The following RALYL variants were observed in gnomAD, a reference collection of about 807,000 sequenced individuals.
The protein encoded by RALYL is RALY RNA binding protein like.
RALYL carries 29 observed loss-of-function variants against 35.1 expected under a neutral mutation model. The observed-to-expected ratio is 0.83, with a 90% CI of 0.61 to 1.13. RALYL has a LOEUF of 1.13. Among genes scored for constraint, RALYL ranks in the 50% most tolerant of loss-of-function variants. The pLI is 0.00. For missense variants in RALYL, 359 were observed against 360.4 expected, an observed-to-expected ratio of 1.00 and a Z score of 0.03; for synonymous variants, 120 against 127.6, an observed-to-expected ratio of 0.94 and a Z score of 0.40.
chr8:84,637,488 A>G (rs1025035808), intron 2 of RALYL, among the ~76,000 whole-genome samples: 2 of 151,908 alleles, frequency 1.3e-5, no homozygotes, highest in African/African-American at 4.8e-5. Flanking sequence ...TGCAGAATCC[A>G]ATTAACAAGA....
intron 2 of RALYL, among the ~76,000 whole-genome samples, chr8:84,685,359 A>G (rs928052335): frequency 1.3e-5 from 2 of 152,038 alleles, no homozygotes; most frequent in African/African-American, 4.8e-5. Context: ...AGGTGAGGCT[A>G]CTGCACTAGT....
intron 2 of RALYL, among the ~76,000 whole-genome samples, chr8:84,699,615 A>G (rs1006193882): frequency 6.6e-6 from 1 of 152,048 alleles, no homozygotes; most frequent in Non-Finnish European, 1.5e-5. Context: ...CCCATGACCT[A>G]ATTACCTCCC....
At chr8:84,819,750 T>C (rs1828111246) in intron 4 of RALYL, among the ~76,000 whole-genome samples, 1 of 152,150 alleles carries the variant, frequency 6.6e-6, no homozygotes, top group Admixed American at 6.6e-5. Flanking sequence ...TAGTGTTACA[T>C]GGAGGGAAGA....
At chr8:84,832,326 C>G (rs1342620035) in intron 4 of RALYL, among the ~76,000 whole-genome samples, 1 of 152,018 alleles carries the variant, frequency 6.6e-6, no homozygotes, top group Non-Finnish European at 1.5e-5. Flanking sequence ...GAAACTGATA[C>G]TAATGACCTC....
chr8:84,849,735 A>G (rs1835436493), intron 4 of RALYL, among the ~76,000 whole-genome samples: 1 of 151,804 alleles, frequency 6.6e-6, no homozygotes, highest in Non-Finnish European at 1.5e-5. Flanking sequence ...TTATTTTGCT[A>G]CCTGTTCTGA....
Position 84,684,087 on chromosome 8 carries a change from G to T in RALYL, c.257-90492G>T, listed in dbSNP as rs532488619. Among the ~76,000 whole-genome samples, 6 of 152,206 alleles carry T rather than the reference G, an allele frequency of 3.9e-5. No homozygotes were observed. The South Asian group carries it at 8.3e-4, about 21-fold the overall frequency. On this transcript the variant is annotated intron_variant, in intron 2 of 8. Transcript: ENST00000521268. ...CGTAAATAAGATCATTAACTATTATGCCAAATTCAGCACTACTCACTGCTA... is the reference window on the plus strand; with the variant it reads ...CGTAAATAAGATCATTAACTATTATTCCAAATTCAGCACTACTCACTGCTA...
intron 1 of RALYL, among the ~76,000 whole-genome samples, chr8:84,304,037 T>C (rs1841317751): frequency 6.6e-6 from 1 of 152,144 alleles, no homozygotes; most frequent in Non-Finnish European, 1.5e-5. Context: ...ATAAAAATAA[T>C]GGGAACTTTC....
intron 4 of RALYL, among the ~76,000 whole-genome samples, chr8:84,808,994 T>C (rs1184920110): frequency 6.6e-6 from 1 of 152,154 alleles, no homozygotes; most frequent in Non-Finnish European, 1.5e-5. Flanking sequence ...AGATGCCCTT[T>C]ATTTCTTTTT....
rs557724149 is a variant in RALYL at position 84,742,878 on chromosome 8, C to T, written c.257-31701C>T. 1.4e-4 allele frequency among the ~76,000 whole-genome samples: 22 copies of T among 152,048 alleles called. No homozygotes were observed. In the Middle Eastern group the frequency reaches 0.01, roughly 71 times the overall value. ...CAAGAAAGGATAGTTGTCCTAATTT[C>T]TTTGTGCTCATAAGGGGAACAATAG... On this transcript the variant is annotated intron_variant, in intron 2 of 8. Transcript: ENST00000521268.
intron 1 of RALYL, among the ~76,000 whole-genome samples, chr8:84,333,338 G>T (rs946742538): frequency 2.0e-5 from 3 of 152,078 alleles, no homozygotes; most frequent in African/African-American, 7.2e-5. Context: ...TTAGTGATCT[G>T]CTTGCAAATA....
chr8:84,811,600 C>A (rs1272775410), intron 4 of RALYL, among the ~76,000 whole-genome samples: 5 of 152,236 alleles, frequency 3.3e-5, no homozygotes, highest in Non-Finnish European at 4.4e-5. Flanking sequence ...ATTTTTCCCC[C>A]AAATATGTTT....
At chr8:84,211,382 G>A (rs1446877303) in intron 1 of RALYL, among the ~76,000 whole-genome samples, 2 of 152,020 alleles carry the variant, frequency 1.3e-5, no homozygotes, top group East Asian at 3.8e-4. Flanking sequence ...GCTTGGACTG[G>A]GGCCTAGAAT....
intron 3 of RALYL, among the ~76,000 whole-genome samples, chr8:84,781,988 T>C (rs933543272): frequency 6.6e-5 from 10 of 151,982 alleles, no homozygotes; most frequent in East Asian, 5.8e-4. Context: ...AGGTACCACC[T>C]TGAGTAGCAT....
chr8:84,844,243 A>C (rs1834090230), intron 4 of RALYL, among the ~76,000 whole-genome samples: 1 of 152,238 alleles, frequency 6.6e-6, no homozygotes, highest in Admixed American at 6.5e-5. Flanking sequence ...AATATCCAGA[A>C]TCTACAATGA....
rs541439689 is a variant in RALYL, at chr8:84,220,379, A to G, written c.-24+35955A>G. On this transcript the variant is annotated intron_variant, in intron 1 of 8. Coordinates refer to ENST00000521268, the MANE Select transcript of RALYL (RefSeq NM_173848.7). ...GAATTAAAGGCCAGTCCTTATATAC[A>G]TGGTGAAATATGGTATATTTTTGTC... Among the ~76,000 whole-genome samples, 18 of 152,186 alleles carry G rather than the reference A, an allele frequency of 1.2e-4. No homozygotes were observed. The South Asian group carries it at 2.9e-3, about 25-fold the overall frequency.
At chr8:84,690,615 A>G (rs1837840299) in intron 2 of RALYL, among the ~76,000 whole-genome samples, 1 of 152,140 alleles carries the variant, frequency 6.6e-6, no homozygotes, top group African/African-American at 2.4e-5. Flanking sequence ...GTAAATATAT[A>G]CAATTTTTAT....
chr8:84,681,806 C>T (rs960493231), intron 2 of RALYL, among the ~76,000 whole-genome samples: 5 of 152,184 alleles, frequency 3.3e-5, no homozygotes, highest in African/African-American at 1.2e-4. Flanking sequence ...TTGACTTCCT[C>T]TTTTCCTAAT....
At position 84,237,552 on chromosome 8, in the gene RALYL, G is replaced by A. The variant is rs188677558; in HGVS notation, c.-24+53128G>A. ...TTTTTTAAATACATTTTATTACACC[G>A]AAAAAACAAAGTTCTATTGACAACA... On this transcript the variant is annotated intron_variant, in intron 1 of 8. Transcript: ENST00000521268. 6.2e-3 allele frequency among the ~76,000 whole-genome samples: 939 copies of A among 151,974 alleles called. 7 individuals are homozygous for A. The highest frequency in any genetic ancestry group is 0.011 in the Non-Finnish European group (733 of 67,966).
chr8:84,234,877 G>A (rs1231427553), intron 1 of RALYL, among the ~76,000 whole-genome samples: 1 of 151,486 alleles, frequency 6.6e-6, no homozygotes, highest in Non-Finnish European at 1.5e-5. Flanking sequence ...TGATTCTCCT[G>A]CCTCAGCCTC....
Sources: allele counts gnomAD v4.1 joint callset (sites outside exome capture counted in the v4.1 genomes callset), GRCh38; gene constraint gnomAD v4.1.1; transcripts MANE v1.5; gene names NCBI Gene and HGNC (gene_info 2026-07-23, HGNC 2026-07-21).